Variants in SPTBN2 observed in about 807,000 individuals in gnomAD.
SPTBN2 encodes spectrin beta, non-erythrocytic 2.
Under a neutral mutation model 284.2 loss-of-function variants are expected in SPTBN2, and 107 were observed. The observed-to-expected ratio is 0.38, with a 90% confidence interval of 0.32 to 0.44. The LOEUF is 0.44. Among genes scored for constraint, SPTBN2 ranks in the 20% least tolerant of loss-of-function variants. The probability of loss-of-function intolerance (pLI) is 1.00; values close to 1 mark genes in which losing one functional copy is unlikely to be tolerated. For missense variants in SPTBN2, 2,569 were observed against 3,287.1 expected (o/e 0.78, Z 5.34); for synonymous variants, 1,289 against 1,354.8 (o/e 0.95, Z 1.07).
In SPTBN2 at chr11:66,705,538, C is replaced by CT; in HGVS notation, c.1808-71dup. 1.9e-6 allele frequency: 3 copies of CT among 1,608,552 alleles called. No individual in the cohort carries two copies. The South Asian group carries it at 3.3e-5, about 18-fold the overall frequency. On this transcript the variant is annotated intron_variant, in intron 14 of 37. Coordinates refer to ENST00000533211, the MANE Select transcript of SPTBN2 (RefSeq NM_006946.4). ...CGGCTGCTCCCTGCCACCACACTCT[C>CT]TTGGACTTCCCTCCCTGGCTTTAGC...
Position 66,700,719 on chromosome 11 carries a change from AG to A in SPTBN2, c.3379del (p.Leu1127TrpfsTer5). ...CTGGTCCCGGGTCACCTCCTCGCCC[AG>A]GGCTCGCAGCCGGCTATACTCGCTC... is the stretch of plus-strand genomic sequence containing the variant. ...AQSEYSRLRA[L>X]GEEVTRDQAD... On this transcript the variant is annotated frameshift_variant, in exon 17 of 38. Coordinates refer to ENST00000533211, the MANE Select transcript of SPTBN2 (RefSeq NM_006946.4). LOFTEE classifies it high-confidence loss of function. The surrounding 1 kb of genome is among the most constrained non-coding windows in gnomAD (Gnocchi z 6.6). The A allele has an allele frequency of 6.2e-7, 1 of 1,604,142 alleles. No individual in the cohort carries two copies. Among genetic ancestry groups the A allele is most frequent in the Non-Finnish European group, 8.5e-7 (1 of 1,179,790 alleles).
chr11:66,689,316 C>A, intron 29 of SPTBN2, 136 bp from the exon 30 acceptor site: 1 of 980,278 alleles, frequency 1.0e-6, no homozygotes, highest in South Asian at 1.6e-5. Context: ...CTCTTATCAC[C>A]AAGGCTGGAA....
At position 66,711,015 on chromosome 11, in the gene SPTBN2, G is replaced by C. The variant is rs1255339790; in HGVS notation, c.787C>G (p.Gln263Glu). The C allele has an allele frequency of 6.2e-7, 1 of 1,614,148 alleles. No individual in the cohort carries two copies. Among genetic ancestry groups the C allele is most frequent in the East Asian group, 2.2e-5 (1 of 44,882 alleles). Residue 263 changes from glutamine to glutamate, a missense_variant, in exon 9 of 38, where the codon CAG becomes GAG. Gln to Glu is a conservative substitution (Grantham distance 29, BLOSUM62 2). Around this residue, in one of 6 missense-constraint regions of SPTBN2, gnomAD observed 304 missense variants for 522.1 expected, o/e 0.58. Coordinates refer to ENST00000533211, the MANE Select transcript of SPTBN2 (RefSeq NM_006946.4). ...LLDPEDVNVD[Q>E]PDEKSIITYV... is the part of the protein sequence containing the mutation. ...GTAATGATTGACTTCTCATCTGGCTGGTCCACATTCACGTCTGCAAGAGAG... is the reference window on the plus strand; with the variant it reads ...GTAATGATTGACTTCTCATCTGGCTCGTCCACATTCACGTCTGCAAGAGAG...
intron 16 of SPTBN2, 25 bp downstream of exon 16, chr11:66,701,559 C>G: frequency 6.2e-7 from 1 of 1,614,138 alleles, no homozygotes; most frequent in Non-Finnish European, 8.5e-7. Context: ...CTGTCAGTTT[C>G]CTGGTCCTGC....
Position 66,692,384 on chromosome 11 carries a change from C to T in SPTBN2, c.5190+152G>A, listed in dbSNP as rs1940618354. ...GAGCCTATGCCCGGCCTCTTCAAAT[C>T]ATATACCTCAAAACCAGGAGGACAG... On this transcript the variant is annotated intron_variant, in intron 26 of 37. Coordinates refer to ENST00000533211, the MANE Select transcript of SPTBN2 (RefSeq NM_006946.4). 7.9e-6 allele frequency: 7 copies of T among 882,006 alleles called. No individual in the cohort carries two copies. In the South Asian group the frequency reaches 1.1e-4, roughly 13 times the overall value. The allele number at this position is 882,006 out of a possible 1,614,324, so 54.6% of individuals were successfully genotyped here.
At position 66,686,752 on chromosome 11, in the gene SPTBN2, T is replaced by C. The variant is rs1188209176; in HGVS notation, c.6896+242A>G. On this transcript the variant is annotated intron_variant, in intron 36 of 37. Coordinates refer to ENST00000533211, the MANE Select transcript of SPTBN2 (RefSeq NM_006946.4). ...ATCCCTACCTTTGGATTTCCCACCC[T>C]GGGTAATTTTTCACCTTGACATTGG... 4 of 645,018 alleles carry C rather than the reference T, an allele frequency of 6.2e-6. No individual in the cohort carries two copies. The African/African-American group carries it at 7.3e-5, about 12-fold the overall frequency. 40.0% of individuals were successfully genotyped at this position (645,018 alleles called of 1,614,324 possible).
At chr11:66,705,981 G>C (rs1941536590) in intron 13 of SPTBN2, 144 bp from the exon 14 acceptor site, 1 of 1,192,656 alleles carries the variant, frequency 8.4e-7, no homozygotes, top group Admixed American at 2.0e-5. Flanking sequence ...AGATACCCCA[G>C]TTCTGCCCTG....
chr11:66,687,046 G>C lies in SPTBN2; in HGVS notation c.6844C>G (p.Gln2282Glu). 6.2e-7 allele frequency: 1 copy of C among 1,614,120 alleles called. No individual in the cohort carries two copies. The highest frequency in any genetic ancestry group is 8.5e-7 in the Non-Finnish European group (1 of 1,180,032). The change falls in exon 36 of 38, where the codon CAG becomes GAG. Residue 2282 changes from glutamine (Q) to glutamate (E), a missense_variant. Transcript: ENST00000533211. The surrounding 1 kb of genome is among the most constrained non-coding windows in gnomAD (Gnocchi z 5.2). ...GEVPVSLARA[Q>E]GSVAFDYRKR... The stretch of plus-strand genomic sequence containing the variant: ...CGGTAATCAAAGGCGACGCTGCCCT[G>C]GGCCCTGGCCAGGCTGACAGGCACT...
intron 1 of SPTBN2, among the ~76,000 whole-genome samples, chr11:66,738,222 A>G (rs1942869244): frequency 6.6e-6 from 1 of 152,186 alleles, no homozygotes; most frequent in South Asian, 2.1e-4. Flanking sequence ...TCTCAAAAAA[A>G]CAAACAAACA....
intron 1 of SPTBN2, among the ~76,000 whole-genome samples, chr11:66,736,864 A>G (rs1942853899): frequency 6.6e-6 from 1 of 152,248 alleles, no homozygotes; most frequent in Non-Finnish European, 1.5e-5. Context: ...GCGCACAGCT[A>G]GTAGCTAGTC....
chr11:66,722,492 C>T (rs546227062), intron 1 of SPTBN2, among the ~76,000 whole-genome samples: 1 of 144,364 alleles, frequency 6.9e-6, no homozygotes, highest in African/African-American at 2.6e-5. Flanking sequence ...AGGAGAATGG[C>T]GTGAACCCAG....
intron 8 of SPTBN2, chr11:66,712,872 G>A (rs544387352): frequency 5.5e-4 from 84 of 152,972 alleles, no homozygotes; most frequent in Non-Finnish European, 1.0e-3. Context: ...CTGCTCCCAG[G>A]AGGTCACCAG....
rs1940443898 is a variant in SPTBN2, at chr11:66,690,164, G to A, written c.5685C>T (p.Ser1895=). Residue 1895 remains serine, a synonymous_variant, in exon 28 of 38, where the codon AGC becomes AGT. Transcript: ENST00000533211. ...GCAGCAGCTGCCGGCGGGCGGCAGA[G>A]CTTCCCTGAAGCTGGGCCCAGGCCT... The part of the protein sequence containing the change: ...VAEAWAQLQG[S]SAARRQLLLD... 6.2e-7 allele frequency: 1 copy of A among 1,614,038 alleles called. No individual in the cohort carries two copies. The highest frequency in any genetic ancestry group is 1.7e-5 in the Admixed American group (1 of 60,010).
In SPTBN2 at chr11:66,683,161, G is replaced by A. The variant is rs55763233; in HGVS notation, c.*2710C>T. On this transcript the variant is annotated 3_prime_UTR_variant, in exon 38 of 38. Transcript: ENST00000533211. Reference sequence around the variant, plus strand: ...CGGCTCACTGCAAGCTCCGCCTCCCGGGTTCACGCCATTCTCCTGCCTCAG... The same window carrying A: ...CGGCTCACTGCAAGCTCCGCCTCCCAGGTTCACGCCATTCTCCTGCCTCAG... 0.064 allele frequency among the ~76,000 whole-genome samples: 8,338 copies of A among 130,606 alleles called. 331 individuals carry two copies. Among genetic ancestry groups the A allele is most frequent in the Middle Eastern group, 0.21 (33 of 160 alleles). The allele number at this position is 130,606 out of a possible 152,430, so 85.7% of individuals were successfully genotyped here.
chr11:66,719,133 G>A (rs928937463), intron 3 of SPTBN2, among the ~76,000 whole-genome samples: 2 of 152,250 alleles, frequency 1.3e-5, no homozygotes, highest in African/African-American at 2.4e-5. Context: ...CTCAGAAACA[G>A]ACAAAGAGAA....
rs1447603843 is a variant in SPTBN2 at position 66,688,275 on chromosome 11, C to T, written c.6268G>A (p.Glu2090Lys). The T allele has an allele frequency of 3.7e-6, 6 of 1,611,458 alleles. No homozygotes were observed. The highest frequency in any genetic ancestry group is 5.1e-6 in the Non-Finnish European group (6 of 1,179,012). The change falls in exon 32 of 38, where the codon GAG becomes AAG. Residue 2090 changes from glutamate to lysine, a missense_variant. By Grantham distance (56) the Glu-to-Lys change is moderately conservative (BLOSUM62 1). This residue lies in a region of SPTBN2 where 1,130 missense variants were observed against 1,317.3 expected (regional missense o/e 0.86). Transcript: ENST00000533211. ...EREKERKRKR[E>K]EEERRKQPPA... is the part of the protein sequence containing the mutation. ...GGCTGTTTCCGCCGCTCCTCCTCCT[C>T]CCTCTTTCTCTTTCGCTCCTTCTCC...
Position 66,685,360 on chromosome 11 carries a change from G to A in SPTBN2, c.*511C>T, listed in dbSNP as rs1439484534. The A allele has an allele frequency of 1.7e-5, 3 of 176,908 alleles. No homozygotes were observed. The highest frequency in any genetic ancestry group is 3.6e-5 in the Non-Finnish European group (3 of 82,872). The allele number at this position is 176,908 out of a possible 1,614,324, so 11.0% of individuals were successfully genotyped here. A position where few individuals can be genotyped will look rare whatever the true frequency, so the allele number is the denominator to read the frequency against. On this transcript the variant is annotated 3_prime_UTR_variant, in exon 38 of 38. Coordinates refer to ENST00000533211, the MANE Select transcript of SPTBN2 (RefSeq NM_006946.4). The surrounding 1 kb of genome is among the most constrained non-coding windows in gnomAD (Gnocchi z 4.4). ...AGCAGCTGGAGATGGAGTGGCAGCT[G>A]GAGTTACAGGGTGGGGGTGGGGAGG...
chr11:66,710,895 G>A lies in SPTBN2; in HGVS notation c.885+22C>T. 2 of 1,610,824 alleles carry A rather than the reference G, an allele frequency of 1.2e-6. No individual in the cohort carries two copies. Among genetic ancestry groups the A allele is most frequent in the Admixed American group, 1.7e-5 (1 of 60,014 alleles). On this transcript the variant is annotated intron_variant, in intron 9 of 37. Coordinates refer to ENST00000533211, the MANE Select transcript of SPTBN2 (RefSeq NM_006946.4). The surrounding 1 kb of genome is among the most constrained non-coding windows in gnomAD (Gnocchi z 4.9). ...CAGCCGGGCCTCCTCTGGCCTTTAT[G>A]CCTACTGCCCATGGACAGTACCTTG...
At chr11:66,695,489 G>A (rs1051009354) in intron 21 of SPTBN2, among the ~76,000 whole-genome samples, 3 of 152,034 alleles carry the variant, frequency 2.0e-5, no homozygotes, top group African/African-American at 7.2e-5. Context: ...AAAACTCCTG[G>A]ACTCAAGTGA....
Sources: allele counts gnomAD v4.1 joint callset (sites outside exome capture counted in the v4.1 genomes callset), GRCh38; gene constraint gnomAD v4.1.1; regional missense constraint gnomAD v4.1.1; non-coding constraint Gnocchi (gnomAD v3.1); transcripts MANE v1.5; gene names NCBI Gene and HGNC (gene_info 2026-07-23, HGNC 2026-07-21).